SLIT1: variants seen among roughly 807,000 people sequenced by gnomAD.
SLIT1 encodes slit homolog 1 protein.
A neutral mutation model predicts 186.1 loss-of-function variants in SLIT1; 66 were observed. The ratio of observed to expected loss-of-function variants is 0.35; its 90% confidence interval spans 0.29 to 0.44. The LOEUF (loss-of-function observed/expected upper bound fraction) is 0.44. Ranked by LOEUF, SLIT1 falls within the 20% of genes least tolerant of loss-of-function variation. SLIT1 has a pLI of 1.00. For missense variants in SLIT1, 1,638 were observed against 2,037.4 expected (o/e 0.80, Z 3.77); for synonymous variants, 761 against 833.8 (o/e 0.91, Z 1.50).
intron 4 of SLIT1, among the ~76,000 whole-genome samples, chr10:97,141,805 T>C (rs1037418545): frequency 6.6e-6 from 1 of 151,950 alleles, no homozygotes; most frequent in African/African-American, 2.4e-5. Context: ...TTGTATTGTA[T>C]TGTACTAGAC....
rs1286904893 is a variant in SLIT1 at position 97,010,675 on chromosome 10, T to C, written c.3341+318A>G. On this transcript the variant is annotated intron_variant, in intron 31 of 36. Coordinates refer to ENST00000266058, the MANE Select transcript of SLIT1 (RefSeq NM_003061.3). This position sits in a 1 kb window ranked among gnomAD's most constrained non-coding sequence, Gnocchi z 4.8. ...CTCCCAGGGGAGCCCAGTGGGCTGG[T>C]AGATAATCTTTGGGGCAAGACATGT... Among the ~76,000 whole-genome samples the C allele has an allele frequency of 6.6e-6, 1 of 152,014 alleles. No homozygotes were observed.
At chr10:97,147,910 C>T (rs1259527912) in intron 4 of SLIT1, among the ~76,000 whole-genome samples, 1 of 152,178 alleles carries the variant, frequency 6.6e-6, no homozygotes, top group Non-Finnish European at 1.5e-5. Context: ...TCCTCTTCAC[C>T]CTCCTGTGTC....
At position 97,043,497 on chromosome 10, in the gene SLIT1, G is replaced by A. The variant is rs752908466; in HGVS notation, c.1870C>T (p.Arg624Cys). 3.3e-5 allele frequency: 54 copies of A among 1,613,532 alleles called. No homozygotes were observed. The highest frequency in any genetic ancestry group is 4.2e-5 in the Non-Finnish European group (50 of 1,179,972). ...CTGTCGTTGTGGATGCAGCTGATGCGGTTGTTCCGCAGCATTCTGGGGAGG... is the reference window on the plus strand; with the variant it reads ...CTGTCGTTGTGGATGCAGCTGATGCAGTTGTTCCGCAGCATTCTGGGGAGG... ...GLRTLMLRNNRISCIHNDSFT... is the reference protein window; with the variant it reads ...GLRTLMLRNNCISCIHNDSFT... The change falls in exon 19 of 37, where the codon CGC (arginine) becomes TGC (cysteine). Residue 624 changes from arginine (R) to cysteine (C), a missense_variant. By Grantham distance (180) the Arg-to-Cys change is radical. Transcript: ENST00000266058. This position sits in a 1 kb window ranked among gnomAD's most constrained non-coding sequence, Gnocchi z 7.0.
chr10:97,146,397 T>C (rs1182269987), intron 4 of SLIT1, among the ~76,000 whole-genome samples: 1 of 152,074 alleles, frequency 6.6e-6, no homozygotes, highest in Non-Finnish European at 1.5e-5. Context: ...CATCCCTGAG[T>C]CCAGCCTGGC....
At chr10:97,024,632 G>A (rs1265669547) in intron 25 of SLIT1, among the ~76,000 whole-genome samples, 1 of 152,118 alleles carries the variant, frequency 6.6e-6, no homozygotes, top group Admixed American at 6.5e-5. Context: ...TTAAATGGTG[G>A]TATATTTAAA....
chr10:97,154,153 T>C (rs907586180), intron 4 of SLIT1: 1 of 152,196 alleles, frequency 6.6e-6, no homozygotes, highest in Non-Finnish European at 1.5e-5. Context: ...TAGAAGAATA[T>C]TAACAAGTAG....
chr10:97,014,073 C>T lies in SLIT1; in HGVS notation c.3055G>A (p.Val1019Ile), dbSNP rs754700041. ...CVDHACANGG[V>I]CVDGVGNYTC... ...TAGTTGCCCACACCATCCACACAGA[C>T]GCCCCCATTGGCACAGGCATGATCC... Residue 1019 changes from valine (V) to isoleucine (I), a missense_variant, in exon 29 of 37, where the codon GTC becomes ATC. By Grantham distance (29) the Val-to-Ile change is conservative. Around this residue, in one of 3 missense-constraint regions of SLIT1, gnomAD observed 1,245 missense variants for 1,535.3 expected, o/e 0.81. Coordinates refer to ENST00000266058, the MANE Select transcript of SLIT1 (RefSeq NM_003061.3). 72 of 1,613,758 alleles carry T rather than the reference C, an allele frequency of 4.5e-5. No individual in the cohort carries two copies. Among genetic ancestry groups the T allele is most frequent in the Middle Eastern group, 3.3e-4 (2 of 6,084 alleles).
intron 4 of SLIT1, among the ~76,000 whole-genome samples, chr10:97,141,490 C>T (rs1185613674): frequency 6.6e-6 from 1 of 152,154 alleles, no homozygotes; most frequent in African/African-American, 2.4e-5. Flanking sequence ...CACACAAGCA[C>T]ACGCGATAAA....
intron 4 of SLIT1, among the ~76,000 whole-genome samples, chr10:97,149,265 C>T (rs1849850379): frequency 6.6e-6 from 1 of 152,220 alleles, no homozygotes; most frequent in South Asian, 2.1e-4. Context: ...ACTCCCGTGC[C>T]GGCCCAGTGG....
In SLIT1 at chr10:96,999,525, G is replaced by C. The variant is rs142534520; in HGVS notation, c.*1587C>G. 1 of 152,518 alleles carries C rather than the reference G, an allele frequency of 6.6e-6. No individual in the cohort carries two copies. Among genetic ancestry groups the C allele is most frequent in the South Asian group, 2.1e-4 (1 of 4,830 alleles). 9.4% of individuals were successfully genotyped at this position (152,518 alleles called of 1,614,324 possible). ...CACAGATGGAGGGAGCCAGGGCAGG[G>C]ACATGCTCACCCCCGTTGCCCACCA... On this transcript the variant is annotated 3_prime_UTR_variant, in exon 37 of 37. Coordinates refer to ENST00000266058, the MANE Select transcript of SLIT1 (RefSeq NM_003061.3).
intron 4 of SLIT1, among the ~76,000 whole-genome samples, chr10:97,071,019 A>C (rs111949648): frequency 0.015 from 2,248 of 152,232 alleles, 46 homozygotes; most frequent in African/African-American, 0.048. Flanking sequence ...TTTGTTGCTC[A>C]GGCTGGTCTC....
rs149952840 is a variant in SLIT1 at position 97,004,781 on chromosome 10, C to T, written c.3622G>A (p.Asp1208Asn). 3.2e-4 allele frequency: 512 copies of T among 1,614,142 alleles called. 5 individuals carry two copies. The highest frequency in any genetic ancestry group is 2.4e-3 in the South Asian group (223 of 91,088). The change falls in exon 33 of 37, where the codon GAC (aspartate) becomes AAC (asparagine). Residue 1208 changes from aspartate (D) to asparagine (N), a missense_variant. This residue lies in a region of SLIT1 where 173 missense variants were observed against 290.9 expected (regional missense o/e 0.59). Transcript: ENST00000266058. This position sits in a 1 kb window ranked among gnomAD's most constrained non-coding sequence, Gnocchi z 5.1. ...EDNGILLYNGDNDHIAVELYQ... is the reference protein window; with the variant it reads ...EDNGILLYNGNNDHIAVELYQ... Reference sequence around the variant, plus strand: ...AGCTCAACTGCAATGTGGTCGTTGTCCCCGTTGTACAGAAGGATCCCATTG... The same window carrying T: ...AGCTCAACTGCAATGTGGTCGTTGTTCCCGTTGTACAGAAGGATCCCATTG...
rs554137910 is a variant in SLIT1, at chr10:97,066,117, C to T, written c.414-31G>A. On this transcript the variant is annotated intron_variant, in intron 4 of 36. Coordinates refer to ENST00000266058, the MANE Select transcript of SLIT1 (RefSeq NM_003061.3). ...AGGATAAAGCCAGAGGGAGAGAAAA[C>T]ACCGGTCAGAAAAGAGGTTCCTGCA... 6.7e-5 allele frequency: 103 copies of T among 1,545,906 alleles called. No individual in the cohort carries two copies. The East Asian group carries it at 1.5e-3, about 22-fold the overall frequency.
intron 1 of SLIT1, among the ~76,000 whole-genome samples, chr10:97,182,712 C>T (rs1444265341): frequency 2.6e-5 from 4 of 152,242 alleles, no homozygotes; most frequent in African/African-American, 9.6e-5. Flanking sequence ...CTCTTTCCAG[C>T]CTCAAGTCCC....
chr10:97,016,236 G>T (rs1057328101), intron 28 of SLIT1, among the ~76,000 whole-genome samples: 5 of 152,024 alleles, frequency 3.3e-5, no homozygotes, highest in African/African-American at 1.2e-4. Context: ...TTGAACCCAG[G>T]AGGCAGAGGT....
intron 4 of SLIT1, among the ~76,000 whole-genome samples, chr10:97,094,414 G>A (rs1849264903): frequency 6.6e-6 from 1 of 152,230 alleles, no homozygotes; most frequent in Non-Finnish European, 1.5e-5. Flanking sequence ...TGAACACAGT[G>A]ACCCTGCATA....
At chr10:97,164,924 T>C in intron 1 of SLIT1, 34 bp from the exon 2 acceptor site, 1 of 1,549,216 alleles carries the variant, frequency 6.5e-7, no homozygotes, top group Non-Finnish European at 8.9e-7. Flanking sequence ...AGCAGTGGGG[T>C]GAGCAGGGTA....
Position 97,038,014 on chromosome 10 carries a change from G to A in SLIT1, c.2298-248C>T, listed in dbSNP as rs994745294. On this transcript the variant is annotated intron_variant, in intron 21 of 36. Coordinates refer to ENST00000266058, the MANE Select transcript of SLIT1 (RefSeq NM_003061.3). ...CGTGGCCTCTCTCGGTTCCCTTCTC[G>A]CTTCCCTTCTCACCCTCCCAGCCTC... 5.3e-5 allele frequency among the ~76,000 whole-genome samples: 8 copies of A among 152,038 alleles called. No individual in the cohort carries two copies. The South Asian group carries it at 1.5e-3, about 28-fold the overall frequency.
At chr10:97,124,607 G>T (rs538762214) in intron 4 of SLIT1, among the ~76,000 whole-genome samples, 61 of 152,316 alleles carry the variant, frequency 4.0e-4, no homozygotes, top group Non-Finnish European at 8.4e-4. Context: ...ATCAATTCCA[G>T]CCTGAGAGGG....
Sources: allele counts gnomAD v4.1 joint callset (sites outside exome capture counted in the v4.1 genomes callset), GRCh38; gene constraint gnomAD v4.1.1; regional missense constraint gnomAD v4.1.1; non-coding constraint Gnocchi (gnomAD v3.1); transcripts MANE v1.5; gene names NCBI Gene and HGNC (gene_info 2026-07-23, HGNC 2026-07-21).